The following TSGA13 variants were observed in gnomAD, a reference collection of about 807,000 sequenced individuals.
The protein encoded by TSGA13 is testis specific 13.
A neutral mutation model predicts 35.1 loss-of-function variants in TSGA13; 37 were observed. That is an observed-to-expected ratio of 1.05 (90% confidence interval 0.81 to 1.39). The LOEUF (loss-of-function observed/expected upper bound fraction) is 1.39, where lower values mean the gene tolerates loss of function less well. Ranked by LOEUF, TSGA13 falls within the 40% of genes most tolerant of loss-of-function variation. TSGA13 has a pLI of 0.00. For synonymous variants in TSGA13, 124 were observed against 121.2 expected (o/e 1.02, Z -0.15); for missense variants, 338 against 328.5 (o/e 1.03, Z -0.22).
Position 130,675,359 on chromosome 7 carries a change from C to G in TSGA13, c.388-2483G>C, listed in dbSNP as rs188704687. Among the ~76,000 whole-genome samples the G allele has an allele frequency of 1.2e-3, 178 of 146,790 alleles. 1 individual carries two copies. The highest frequency in any genetic ancestry group is 3.4e-3 in the Middle Eastern group (1 of 290). ...TCATGGCCTCTTCACTACCTTTCTTCCTCATGGTTTGAGTCTTTTTTTGGG... is the reference window on the plus strand; with the variant it reads ...TCATGGCCTCTTCACTACCTTTCTTGCTCATGGTTTGAGTCTTTTTTTGGG... On this transcript the variant is annotated intron_variant, in intron 5 of 7. Transcript: ENST00000356588.
intron 3 of TSGA13, among the ~76,000 whole-genome samples, chr7:130,682,395 C>T (rs192388305): frequency 3.9e-5 from 6 of 152,264 alleles, no homozygotes; most frequent in Middle Eastern, 3.4e-3. Context: ...GCTGGGATTA[C>T]AGGCGTGAGC....
Position 130,668,706 on chromosome 7 carries a change from G to A in TSGA13, c.*308C>T, listed in dbSNP as rs782671602. 2.6e-6 allele frequency: 4 copies of A among 1,514,124 alleles called. No individual in the cohort carries two copies. Among genetic ancestry groups the A allele is most frequent in the East Asian group, 5.7e-5 (2 of 35,160 alleles). The allele number at this position is 1,514,124 out of a possible 1,614,324, so 93.8% of individuals were successfully genotyped here. A position where few individuals can be genotyped will look rare whatever the true frequency, so the allele number is the denominator to read the frequency against. On this transcript the variant is annotated 3_prime_UTR_variant, in exon 8 of 8. Transcript: ENST00000356588. ...CCCAGCGCCCAGACCCACCGCAACC[G>A]TCCCAGGCGCCGCAGCCGGCGAGCG...
chr7:130,680,029 A>G (rs1042291652), intron 4 of TSGA13, among the ~76,000 whole-genome samples: 2 of 151,970 alleles, frequency 1.3e-5, no homozygotes, highest in Non-Finnish European at 2.9e-5. Context: ...TGTCTCTACA[A>G]CTCTCTCTAA....
intron 7 of TSGA13, among the ~76,000 whole-genome samples, chr7:130,670,347 G>A (rs1554462780): frequency 6.6e-6 from 1 of 152,158 alleles, no homozygotes; most frequent in African/African-American, 2.4e-5. Context: ...GACGGGTTGA[G>A]CAATCACTGC....
chr7:130,678,336 G>A (rs62473534), intron 5 of TSGA13, among the ~76,000 whole-genome samples: 29,302 of 151,164 alleles, frequency 0.19, 3,026 homozygotes, highest in Middle Eastern at 0.25. Context: ...CCGAGATCGC[G>A]CCACTGTACT....
chr7:130,686,663 A>G (rs1003174686), upstream of TSGA13: 2 of 146,770 alleles, frequency 1.4e-5, no homozygotes, highest in African/African-American at 2.5e-5. Flanking sequence ...AAATCTGCCA[A>G]TCTCTTATTT....
chr7:130,679,309 C>T lies in TSGA13; in HGVS notation c.233G>A (p.Arg78Lys). Residue 78 changes from arginine (R) to lysine (K), a missense_variant, in exon 5 of 8, where the codon AGG becomes AAG. Transcript: ENST00000356588. ...TALQKFLAQN[R>K]KNTSFMLKVT... ...TTTTAACATGAAGCTGGTGTTTTTC[C>T]TGTTTTGAGCCAGGAATTTCTGCAG... 1 of 1,614,086 alleles carries T rather than the reference C, an allele frequency of 6.2e-7. No individual in the cohort carries two copies. Among genetic ancestry groups the T allele is most frequent in the Non-Finnish European group, 8.5e-7 (1 of 1,180,010 alleles).
chr7:130,682,117 T>C (rs1796561335), intron 3 of TSGA13, among the ~76,000 whole-genome samples: 1 of 151,530 alleles, frequency 6.6e-6, no homozygotes, highest in Non-Finnish European at 1.5e-5. Flanking sequence ...TATTATTATT[T>C]ATTAATTTTT....
chr7:130,682,019 A>G (rs1031083970), intron 3 of TSGA13, among the ~76,000 whole-genome samples: 3 of 151,960 alleles, frequency 2.0e-5, no homozygotes, highest in African/African-American at 7.3e-5. Flanking sequence ...AGGTCCCTGT[A>G]ACCTTGAACT....
At chr7:130,676,110 T>C (rs1259473256) in intron 5 of TSGA13, among the ~76,000 whole-genome samples, 1 of 152,232 alleles carries the variant, frequency 6.6e-6, no homozygotes, top group Non-Finnish European at 1.5e-5. Context: ...GAACTCACAG[T>C]CTTTTTGGAT....
At position 130,668,688 on chromosome 7, in the gene TSGA13, C is replaced by A. The variant is rs1554462096; in HGVS notation, c.*326G>T. ...AATCATCTTGGACGACTTCCCAGCG[C>A]CCAGACCCACCGCAACCGTCCCAGG... On this transcript the variant is annotated 3_prime_UTR_variant, in exon 8 of 8. Coordinates refer to ENST00000356588, the MANE Select transcript of TSGA13 (RefSeq NM_052933.4). The A allele has an allele frequency of 2.6e-6, 4 of 1,527,184 alleles. No individual in the cohort carries two copies. The highest frequency in any genetic ancestry group is 2.0e-5 in the Admixed American group (1 of 49,026). 94.6% of individuals were successfully genotyped at this position (1,527,184 alleles called of 1,614,324 possible). A position where few individuals can be genotyped will look rare whatever the true frequency, so the allele number is the denominator to read the frequency against.
intron 6 of TSGA13, 61 bp from the exon 7 acceptor site, chr7:130,671,849 C>A (rs1796279874): frequency 9.2e-7 from 1 of 1,085,026 alleles, no homozygotes. Context: ...TGGAACTATT[C>A]ACTTTATTTT....
At position 130,683,445 on chromosome 7, in the gene TSGA13, A is replaced by G. The variant is rs569669617; in HGVS notation, c.102+149T>C. On this transcript the variant is annotated intron_variant, in intron 3 of 7. Coordinates refer to ENST00000356588, the MANE Select transcript of TSGA13 (RefSeq NM_052933.4). ...TTTTTCTGTGCTCTATTTCTCTTCAATAACATTTGACAAGTTAACCTTGTT... is the reference window on the plus strand; with the variant it reads ...TTTTTCTGTGCTCTATTTCTCTTCAGTAACATTTGACAAGTTAACCTTGTT... 6.6e-5 allele frequency: 42 copies of G among 633,870 alleles called. 2 individuals carry two copies. In the South Asian group the frequency reaches 7.9e-4, roughly 12 times the overall value. The allele number at this position is 633,870 out of a possible 1,614,324, so 39.3% of individuals were successfully genotyped here.
intron 2 of TSGA13, among the ~76,000 whole-genome samples, chr7:130,684,220 C>T (rs1351366260): frequency 1.3e-5 from 2 of 152,206 alleles, no homozygotes; most frequent in African/African-American, 2.4e-5. Flanking sequence ...TTCCTAACCA[C>T]ATCTCTGAAG....
chr7:130,669,779 T>C (rs1796211439), intron 7 of TSGA13, among the ~76,000 whole-genome samples: 1 of 152,272 alleles, frequency 6.6e-6, no homozygotes, highest in Non-Finnish European at 1.5e-5. Context: ...CTTGACTAAA[T>C]GTACTATTAA....
chr7:130,669,553 G>A (rs996327231), intron 7 of TSGA13, among the ~76,000 whole-genome samples: 4 of 152,218 alleles, frequency 2.6e-5, no homozygotes, highest in African/African-American at 4.8e-5. Flanking sequence ...GTCTAAGAGT[G>A]TAGCTAAGAA....
chr7:130,672,484 T>G (rs1554463295), intron 6 of TSGA13, among the ~76,000 whole-genome samples: 1 of 152,182 alleles, frequency 6.6e-6, no homozygotes, highest in Non-Finnish European at 1.5e-5. Flanking sequence ...TTTTCCTGTT[T>G]CTTCAAAGCA....
chr7:130,679,305 T>C lies in TSGA13; in HGVS notation c.237A>G (p.Lys79=), dbSNP rs1554464689. 1 of 1,614,196 alleles carries C rather than the reference T, an allele frequency of 6.2e-7. No homozygotes were observed. The highest frequency in any genetic ancestry group is 1.3e-5 in the African/African-American group (1 of 75,052). ...ALQKFLAQNR[K]NTSFMLKVTQ... ...TTACTTTTAACATGAAGCTGGTGTT[T>C]TTCCTGTTTTGAGCCAGGAATTTCT... Residue 79 remains lysine, a synonymous_variant, in exon 5 of 8, where the codon AAA becomes AAG. Coordinates refer to ENST00000356588, the MANE Select transcript of TSGA13 (RefSeq NM_052933.4).
chr7:130,669,241 A>G (rs2116287800), intron 7 of TSGA13, 58 bp from the exon 8 acceptor site: 6 of 1,606,586 alleles, frequency 3.7e-6, no homozygotes, highest in Non-Finnish European at 5.1e-6. Context: ...CTCGAAGGAT[A>G]CTTAATGTGA....
Sources: allele counts gnomAD v4.1 joint callset (sites outside exome capture counted in the v4.1 genomes callset), GRCh38; gene constraint gnomAD v4.1.1; transcripts MANE v1.5; gene names NCBI Gene and HGNC (gene_info 2026-07-23, HGNC 2026-07-21).